KDM4B: variants seen among roughly 807,000 people sequenced by gnomAD.
KDM4B encodes the protein lysine-specific demethylase 4B.
A neutral mutation model predicts 125.2 loss-of-function variants in KDM4B; 32 were observed. That is an observed-to-expected ratio of 0.26 (90% CI 0.19 to 0.34). KDM4B has a LOEUF of 0.34. Ranked by LOEUF, KDM4B falls within the 10% of genes least tolerant of loss-of-function variation. KDM4B has a pLI of 1.00. For synonymous variants in KDM4B, 721 were observed against 677.9 expected (o/e 1.06, Z -0.99); for missense variants, 1,190 against 1,577.7 (o/e 0.75, Z 4.16).
chr19:5,020,722 C>T (rs183131861), intron 2 of KDM4B, among the ~76,000 whole-genome samples: 7 of 152,332 alleles, frequency 4.6e-5, no homozygotes, highest in African/African-American at 1.7e-4. Flanking sequence ...ATGGTTTCTT[C>T]CTCCTAAATA....
In KDM4B at chr19:5,115,910, C is replaced by T. The variant is rs961909100; in HGVS notation, c.1116-3743C>T. On this transcript the variant is annotated intron_variant, in intron 10 of 22. Transcript: ENST00000159111. The surrounding 1 kb of genome is among the most constrained non-coding windows in gnomAD (Gnocchi z 4.2). ...CAGAGGCGTAGTCTAGGAAATCTAG[C>T]CCCTGATAGGAGTTTCAGAAAAAGA... Among the ~76,000 whole-genome samples the T allele has an allele frequency of 2.6e-5, 4 of 152,134 alleles. No homozygotes were observed. Among genetic ancestry groups the T allele is most frequent in the African/African-American group, 9.7e-5 (4 of 41,402 alleles).
At position 5,035,089 on chromosome 19, in the gene KDM4B, T is replaced by A. The variant is rs1232315369; in HGVS notation, c.141+2058T>A. Among the ~76,000 whole-genome samples, 2 of 152,178 alleles carry A rather than the reference T, an allele frequency of 1.3e-5. No homozygotes were observed. Among genetic ancestry groups the A allele is most frequent in the Non-Finnish European group, 2.9e-5 (2 of 68,018 alleles). On this transcript the variant is annotated intron_variant, in intron 3 of 22. Coordinates refer to ENST00000159111, the MANE Select transcript of KDM4B (RefSeq NM_015015.3). The surrounding 1 kb of genome is among the most constrained non-coding windows in gnomAD (Gnocchi z 5.3). ...CTGCCGTCCCGGCTTCAGTTCTGTC[T>A]TTAAAAGGCTTTGGTCCTCCTATCT...
At position 4,997,080 on chromosome 19, in the gene KDM4B, C is replaced by A. The variant is rs796277816; in HGVS notation, c.-108-19177C>A. 2.0e-5 allele frequency among the ~76,000 whole-genome samples: 3 copies of A among 152,180 alleles called. No homozygotes were observed. The highest frequency in any genetic ancestry group is 2.9e-5 in the Non-Finnish European group (2 of 68,032). On this transcript the variant is annotated intron_variant, in intron 1 of 22. Coordinates refer to ENST00000159111, the MANE Select transcript of KDM4B (RefSeq NM_015015.3). The surrounding 1 kb of genome is among the most constrained non-coding windows in gnomAD (Gnocchi z 4.2). ...GGCCTCCACCCCCTCCACGCCAGCA[C>A]CACCCTCAGTCGTGACAGCCATAAA...
At chr19:5,139,538 A>AC (rs370384130) in intron 18 of KDM4B, among the ~76,000 whole-genome samples, 14 of 152,082 alleles carry the variant, frequency 9.2e-5, no homozygotes, top group African/African-American at 3.1e-4. Flanking sequence ...TCCCATCCGC[A>AC]CCCCCCGGGT....
intron 3 of KDM4B, 22 bp from the exon 4 acceptor site, chr19:5,039,814 G>T (rs1188214688): frequency 1.2e-6 from 2 of 1,608,008 alleles, no homozygotes; most frequent in South Asian, 1.1e-5. Context: ...GGGTGCCACT[G>T]ACTCCCATCT....
Position 5,151,668 on chromosome 19 carries a change from G to A in KDM4B, c.*157G>A, listed in dbSNP as rs571169857. 578 of 569,354 alleles carry A rather than the reference G, an allele frequency of 1.0e-3. 1 individual carries two copies. Among genetic ancestry groups the A allele is most frequent in the Non-Finnish European group, 8.6e-4 (327 of 381,202 alleles). 35.3% of individuals were successfully genotyped at this position (569,354 alleles called of 1,614,324 possible). On this transcript the variant is annotated 3_prime_UTR_variant, in exon 23 of 23. Transcript: ENST00000159111. ...CTAGGGCGACAGGAGCCAGCGGGAC[G>A]CCGCACGCGGCCCCAGACTCAGGGA...
In KDM4B at chr19:5,007,095, G is replaced by A. The variant is rs149281495; in HGVS notation, c.-108-9162G>A. Among the ~76,000 whole-genome samples the A allele has an allele frequency of 9.0e-4, 137 of 152,316 alleles. 2 individuals carry two copies. The highest frequency in any genetic ancestry group is 2.8e-3 in the African/African-American group (117 of 41,572). Reference sequence around the variant, plus strand: ...GGAATCTTCTAGAAGGGCCTTGGGGGAGGGCCCTGTCCCCACCATCCCTCG... The same window carrying A: ...GGAATCTTCTAGAAGGGCCTTGGGGAAGGGCCCTGTCCCCACCATCCCTCG... On this transcript the variant is annotated intron_variant, in intron 1 of 22. Coordinates refer to ENST00000159111, the MANE Select transcript of KDM4B (RefSeq NM_015015.3).
chr19:5,133,850 G>A, intron 13 of KDM4B, 33 bp from the exon 14 acceptor site: 3 of 1,606,240 alleles, frequency 1.9e-6, no homozygotes, highest in Non-Finnish European at 2.6e-6. Flanking sequence ...GGGGGCTCAA[G>A]TGTCTCTCTC....
chr19:5,020,823 G>A (rs779745451), intron 2 of KDM4B, among the ~76,000 whole-genome samples: 3 of 152,214 alleles, frequency 2.0e-5, no homozygotes, highest in African/African-American at 4.8e-5. Flanking sequence ...CTGTGCACAC[G>A]GATAGGTGTC....
At chr19:5,107,554 G>A (rs1325484718) in intron 9 of KDM4B, among the ~76,000 whole-genome samples, 1 of 152,190 alleles carries the variant, frequency 6.6e-6, no homozygotes, top group East Asian at 1.9e-4. Context: ...AGGACTCTGT[G>A]GTGAGGCTCC....
chr19:5,047,548 A>T lies in KDM4B; in HGVS notation c.505A>T (p.Ile169Phe). The change falls in exon 6 of 23, where the codon ATC (isoleucine) becomes TTC (phenylalanine). Residue 169 changes from isoleucine to phenylalanine, a missense_variant. Physicochemically the swap from Ile to Phe is conservative, Grantham distance 21. Transcript: ENST00000159111. ...DMVERECGTI[I>F]EGVNTPYLYF... ...GGTGGAGCGCGAGTGCGGCACCATC[A>T]TCGAGGGCGTGAACACGCCCTACCT... is the stretch of plus-strand genomic sequence containing the variant. 6.2e-7 allele frequency: 1 copy of T among 1,613,906 alleles called. No homozygotes were observed. Among genetic ancestry groups the T allele is most frequent in the Non-Finnish European group, 8.5e-7 (1 of 1,179,918 alleles).
chr19:5,135,594 G>T, intron 15 of KDM4B, 33 bp downstream of exon 15: 1 of 1,531,618 alleles, frequency 6.5e-7, no homozygotes. Flanking sequence ...GAGGAGCTGC[G>T]CCCTCCTTCA....
At position 5,131,562 on chromosome 19, in the gene KDM4B, GAGGCAGGGAGGA is replaced by G; in HGVS notation, c.1785+18_1785+29del. 9.8e-7 allele frequency: 1 copy of G among 1,017,462 alleles called. No individual in the cohort carries two copies. Among genetic ancestry groups the G allele is most frequent in the Non-Finnish European group, 1.4e-6 (1 of 711,088 alleles). The allele number at this position is 1,017,462 out of a possible 1,614,324, so 63.0% of individuals were successfully genotyped here. The stretch of plus-strand genomic sequence containing the variant: ...GAGGGGCAGGTGGGGTGGAGCGGGG[GAGGCAGGGAGGA>G]GGGGGGCAGGTGGGGTGGGGCAGGG... On this transcript the variant is annotated intron_variant, in intron 12 of 22. Coordinates refer to ENST00000159111, the MANE Select transcript of KDM4B (RefSeq NM_015015.3).
intron 7 of KDM4B, among the ~76,000 whole-genome samples, chr19:5,071,973 A>G (rs530564722): frequency 6.6e-6 from 1 of 152,194 alleles, no homozygotes; most frequent in Non-Finnish European, 1.5e-5. Context: ...GGTGAGGGTC[A>G]GTGAGGGCCC....
At chr19:5,029,762 G>C (rs777621186) in intron 2 of KDM4B, among the ~76,000 whole-genome samples, 1 of 152,250 alleles carries the variant, frequency 6.6e-6, no homozygotes, top group Non-Finnish European at 1.5e-5. Flanking sequence ...AGGAGGTTGA[G>C]GCTGCAGTGA....
intron 9 of KDM4B, 62 bp from the exon 10 acceptor site, chr19:5,110,560 G>A (rs558441142): frequency 6.5e-7 from 1 of 1,548,602 alleles, no homozygotes; most frequent in East Asian, 2.3e-5. Context: ...CTCTGGGGTG[G>A]GGTGTGTGGA....
intron 18 of KDM4B, 113 bp from the exon 19 acceptor site, chr19:5,143,854 G>A: frequency 1.2e-6 from 1 of 846,938 alleles, no homozygotes. Context: ...AGAGCGCAGG[G>A]CCACTCCCGC....
At chr19:5,069,716 T>C (rs775024098) in intron 6 of KDM4B, among the ~76,000 whole-genome samples, 3 of 152,118 alleles carry the variant, frequency 2.0e-5, no homozygotes, top group Non-Finnish European at 4.4e-5. Context: ...CAGGTTCAAA[T>C]GATTCTTTTG....
At chr19:5,049,421 A>T (rs1282622176) in intron 6 of KDM4B, among the ~76,000 whole-genome samples, 2 of 150,920 alleles carry the variant, frequency 1.3e-5, no homozygotes, top group African/African-American at 4.9e-5. Context: ...AGTAGGCAAC[A>T]GTTCTTTCGG....
Sources: allele counts gnomAD v4.1 joint callset (sites outside exome capture counted in the v4.1 genomes callset), GRCh38; gene constraint gnomAD v4.1.1; non-coding constraint Gnocchi (gnomAD v3.1); transcripts MANE v1.5; gene names NCBI Gene and HGNC (gene_info 2026-07-23, HGNC 2026-07-21).